TRPC5: variants seen among roughly 807,000 people sequenced by gnomAD.
TRPC5 encodes the protein short transient receptor potential channel 5.
Under a neutral mutation model 56.5 loss-of-function variants are expected in TRPC5, and 9 were observed. The observed-to-expected ratio is 0.16, with a 90% CI of 0.10 to 0.28. The LOEUF is 0.28. Ranked by LOEUF, TRPC5 falls within the 10% of genes least tolerant of loss-of-function variation. The pLI is 1.00. For missense variants in TRPC5, 469 were observed against 748.9 expected (o/e 0.63, Z 4.36); for synonymous variants, 282 against 278.5 (o/e 1.01, Z -0.13).
At chrX:111,781,675 C>A (rs1211572255) in intron 8 of TRPC5, among the ~76,000 whole-genome samples, 1 of 111,645 alleles carries the variant, frequency 9.0e-6, no homozygotes, top group Admixed American at 9.5e-5. Context: ...AGTGAGCTGA[C>A]ATGGTGCCAC....
chrX:111,978,618 A>G (rs954378685), intron 1 of TRPC5, among the ~76,000 whole-genome samples: 6 of 111,519 alleles, frequency 5.4e-5, no homozygotes, highest in South Asian at 3.8e-4. Flanking sequence ...TTTATTTTTA[A>G]TAGCCCCAAT....
intron 1 of TRPC5, among the ~76,000 whole-genome samples, chrX:111,998,578 C>T (rs185024953): frequency 2.1e-4 from 24 of 112,165 alleles, no homozygotes; most frequent in African/African-American, 6.5e-4. Context: ...TCTGTATCCA[C>T]GGATTCTCAA....
chrX:111,993,418 G>T (rs1928422229), intron 1 of TRPC5, among the ~76,000 whole-genome samples: 1 of 112,089 alleles, frequency 8.9e-6, no homozygotes, highest in African/African-American at 3.2e-5. Flanking sequence ...TATATACCCA[G>T]TAATGGGATC....
chrX:112,054,997 T>C (rs1930309642), intron 1 of TRPC5, among the ~76,000 whole-genome samples: 1 of 111,722 alleles, frequency 9.0e-6, no homozygotes, highest in African/African-American at 3.3e-5. Flanking sequence ...GGAAGGATCC[T>C]AAGGGAAGCA....
intron 3 of TRPC5, chrX:111,896,515 T>G (rs1234852096): frequency 2.7e-5 from 3 of 110,353 alleles, no homozygotes; most frequent in African/African-American, 9.9e-5. Flanking sequence ...TTATGAACAT[T>G]TGGGCCAATT....
intron 1 of TRPC5, among the ~76,000 whole-genome samples, chrX:112,043,645 TAAAAA>T (rs370812753): frequency 1.3e-4 from 10 of 75,700 alleles, no homozygotes; most frequent in Non-Finnish European, 1.3e-4. Flanking sequence ...TGAGAAGAGG[TAAAAA>T]AAAAAAAAAA....
intron 3 of TRPC5, among the ~76,000 whole-genome samples, chrX:111,854,380 T>C (rs1044507997): frequency 1.8e-5 from 2 of 111,684 alleles, no homozygotes; most frequent in African/African-American, 6.5e-5. Context: ...TACCTTCCTA[T>C]TGTCCCTCCC....
At chrX:111,927,016 G>A (rs1926277821) in intron 2 of TRPC5, among the ~76,000 whole-genome samples, 2 of 112,242 alleles carry the variant, frequency 1.8e-5, no homozygotes, top group African/African-American at 3.2e-5. Flanking sequence ...GATTAGTATT[G>A]TGAGGTCTAG....
At chrX:111,926,770 T>C (rs147168232) in intron 2 of TRPC5, among the ~76,000 whole-genome samples, 4,612 of 112,027 alleles carry the variant, frequency 0.041, 243 homozygotes, top group African/African-American at 0.14. Flanking sequence ...TACACAGCTA[T>C]TAAATGGAGG....
intron 3 of TRPC5, among the ~76,000 whole-genome samples, chrX:111,895,669 A>T (rs1401040917): frequency 9.1e-6 from 1 of 109,634 alleles, no homozygotes; most frequent in Non-Finnish European, 1.9e-5. Context: ...TATTAGTATT[A>T]TTTTGGTATC....
chrX:112,061,631 CAGAGA>C (rs1234391114), intron 1 of TRPC5, among the ~76,000 whole-genome samples: 1 of 111,558 alleles, frequency 9.0e-6, no homozygotes, highest in Non-Finnish European at 1.9e-5. Context: ...TCCAAGGAGA[CAGAGA>C]AGAGCAGTCT....
intron 1 of TRPC5, among the ~76,000 whole-genome samples, chrX:111,973,331 A>G (rs966368709): frequency 8.9e-6 from 1 of 112,038 alleles, no homozygotes; most frequent in African/African-American, 3.2e-5. Flanking sequence ...AAAAGGCTTA[A>G]AGTATTACTG....
In TRPC5 at chrX:111,968,161, G is replaced by A. The variant is rs746578759; in HGVS notation, c.-21-15720C>T. Reference sequence around the variant, plus strand: ...AAAAAAACCCCATCAAAAAGTGGGCGAAGGATATGAACAGACACTTCTCAA... The same window carrying A: ...AAAAAAACCCCATCAAAAAGTGGGCAAAGGATATGAACAGACACTTCTCAA... On this transcript the variant is annotated intron_variant, in intron 1 of 10. Transcript: ENST00000262839. 2.9e-3 allele frequency among the ~76,000 whole-genome samples: 323 copies of A among 111,447 alleles called. 1 individual carries two copies. The highest frequency in any genetic ancestry group is 9.2e-3 in the Middle Eastern group (2 of 218).
In TRPC5 at chrX:111,867,638, G is replaced by A. The variant is rs191019282; in HGVS notation, c.901-13532C>T. Among the ~76,000 whole-genome samples, 232 of 111,848 alleles carry A rather than the reference G, an allele frequency of 2.1e-3. 1 individual carries two copies. The highest frequency in any genetic ancestry group is 3.7e-3 in the Non-Finnish European group (199 of 53,171). On this transcript the variant is annotated intron_variant, in intron 3 of 10. Coordinates refer to ENST00000262839, the MANE Select transcript of TRPC5 (RefSeq NM_012471.3). ...GAAGTGGAGGAACACTTCTATATATGTCATTTCTTACCCCCAAAGGTCTTT... is the reference window on the plus strand; with the variant it reads ...GAAGTGGAGGAACACTTCTATATATATCATTTCTTACCCCCAAAGGTCTTT...
intron 3 of TRPC5, among the ~76,000 whole-genome samples, chrX:111,867,598 A>T (rs778045171): frequency 8.9e-6 from 1 of 111,888 alleles, no homozygotes; most frequent in Non-Finnish European, 1.9e-5. Flanking sequence ...CCTTCTTAGT[A>T]GACGGTAAGC....
At chrX:111,781,308 A>G in intron 8 of TRPC5, 102 bp from the exon 9 acceptor site, 1 of 718,546 alleles carries the variant, frequency 1.4e-6, no homozygotes, top group Non-Finnish European at 2.1e-6. Context: ...GGACTAGAGA[A>G]TGCTACAGGA....
chrX:111,796,325 C>T (rs189742535), intron 7 of TRPC5, among the ~76,000 whole-genome samples: 1 of 111,847 alleles, frequency 8.9e-6, no homozygotes, highest in Non-Finnish European at 1.9e-5. Flanking sequence ...TCCAGTAAAT[C>T]CAACTTCTTG....
intron 3 of TRPC5, among the ~76,000 whole-genome samples, chrX:111,881,095 T>C (rs138605436): frequency 6.0e-4 from 67 of 112,224 alleles, no homozygotes; most frequent in African/African-American, 2.1e-3. Context: ...TGTACTGTAC[T>C]TAGGAATGCT....
intron 7 of TRPC5, among the ~76,000 whole-genome samples, chrX:111,826,149 A>G (rs1922229760): frequency 8.9e-6 from 1 of 112,017 alleles, no homozygotes; most frequent in Admixed American, 9.4e-5. Flanking sequence ...TAGTCTGACT[A>G]CTCTTGAGCC....
Sources: allele counts gnomAD v4.1 joint callset (sites outside exome capture counted in the v4.1 genomes callset), GRCh38; gene constraint gnomAD v4.1.1; transcripts MANE v1.5; gene names NCBI Gene and HGNC (gene_info 2026-07-23, HGNC 2026-07-21).